ICAM1: variants seen among roughly 807,000 people sequenced by gnomAD.
ICAM1 encodes ICAM-1.
A neutral mutation model predicts 42.3 loss-of-function variants in ICAM1; 28 were observed. That is an observed-to-expected ratio of 0.66 (90% confidence interval 0.49 to 0.91). The LOEUF is 0.91. Among genes scored for constraint, ICAM1 ranks in the 40% least tolerant of loss-of-function variants. The pLI is 0.00. For missense variants in ICAM1, 637 were observed against 688.6 expected, an observed-to-expected ratio of 0.93 and a Z score of 0.84; for synonymous variants, 304 against 305.9, an observed-to-expected ratio of 0.99 and a Z score of 0.07.
At chr19:10,281,937 T>C (rs1451852219) in intron 2 of ICAM1, among the ~76,000 whole-genome samples, 1 of 152,070 alleles carries the variant, frequency 6.6e-6, no homozygotes, top group African/African-American at 2.4e-5. Flanking sequence ...AGACGGGGTT[T>C]CACTATATTG....
chr19:10,274,966 C>G lies in ICAM1; in HGVS notation c.269C>G (p.Pro90Arg), dbSNP rs772134103. The change falls in exon 2 of 7, where the codon CCA (proline) becomes CGA (arginine). Residue 90 changes from proline (P) to arginine (R), a missense_variant. Pro to Arg is a moderately radical substitution (Grantham distance 103). Transcript: ENST00000264832. ...AGCAATGTGCAAGAAGATAGCCAAC[C>G]AATGTGCTATTCAAACTGCCCTGAT... ...ELSNVQEDSQ[P>R]MCYSNCPDGQ... 1 of 1,614,200 alleles carries G rather than the reference C, an allele frequency of 6.2e-7. No individual in the cohort carries two copies. The highest frequency in any genetic ancestry group is 8.5e-7 in the Non-Finnish European group (1 of 1,180,032).
chr19:10,277,364 G>C (rs1167661530), intron 2 of ICAM1, among the ~76,000 whole-genome samples: 3 of 151,982 alleles, frequency 2.0e-5, no homozygotes, highest in Non-Finnish European at 4.4e-5. Flanking sequence ...ATTTTTAGTA[G>C]AGACAGGGTT....
At chr19:10,283,350 A>G (rs545768135) in intron 2 of ICAM1, 131 bp from the exon 3 acceptor site, 3 of 811,688 alleles carry the variant, frequency 3.7e-6, no homozygotes, top group East Asian at 5.1e-5. Flanking sequence ...TGACATTCCT[A>G]TCTGCTTAGG....
chr19:10,272,560 C>A (rs73015200), intron 1 of ICAM1, among the ~76,000 whole-genome samples: 1 of 56,132 alleles, frequency 1.8e-5, no homozygotes, highest in Non-Finnish European at 4.2e-5. Context: ...CTTTTCTTTT[C>A]TTTTTTTTTT....
rs200759542 is a variant in ICAM1 at position 10,284,208 on chromosome 19, G to A, written c.813G>A (p.Ser271=). ...PTVTYGNDSF[S]AKASVSVTAE... is the part of the protein sequence containing the mutation. ...TCACCTATGGCAACGACTCCTTCTC[G>A]GCCAAGGCCTCAGTCAGTGTGACCG... The change falls in exon 4 of 7, where the codon TCG becomes TCA. Residue 271 remains serine (S), a synonymous_variant. Coordinates refer to ENST00000264832, the MANE Select transcript of ICAM1 (RefSeq NM_000201.3). The surrounding 1 kb of genome is among the most constrained non-coding windows in gnomAD (Gnocchi z 5.4). The A allele has an allele frequency of 1.5e-5, 24 of 1,613,862 alleles. No individual in the cohort carries two copies. The highest frequency in any genetic ancestry group is 1.6e-4 in the Middle Eastern group (1 of 6,084).
chr19:10,274,689 C>A (rs2040004334), intron 1 of ICAM1, 76 bp from the exon 2 acceptor site: 4 of 1,519,726 alleles, frequency 2.6e-6, no homozygotes, highest in Non-Finnish European at 3.6e-6. Context: ...CTCCAGCACC[C>A]AGCACAGGCT....
chr19:10,284,508 G>A lies in ICAM1; in HGVS notation c.1031G>A (p.Gly344Glu), dbSNP rs1568295575. 1 of 1,614,106 alleles carries A rather than the reference G, an allele frequency of 6.2e-7. No individual in the cohort carries two copies. Among genetic ancestry groups the A allele is most frequent in the Non-Finnish European group, 8.5e-7 (1 of 1,180,012 alleles). The change falls in exon 5 of 7, where the codon GGG becomes GAG. Residue 344 changes from glycine to glutamate, a missense_variant. Physicochemically the swap from Gly to Glu is moderately conservative, Grantham distance 98. Coordinates refer to ENST00000264832, the MANE Select transcript of ICAM1 (RefSeq NM_000201.3). The surrounding 1 kb of genome is among the most constrained non-coding windows in gnomAD (Gnocchi z 5.4). ...CCTAGAGCCAAGGTGACGCTGAATGGGGTTCCAGCCCAGCCACTGGGCCCG... is the reference window on the plus strand; with the variant it reads ...CCTAGAGCCAAGGTGACGCTGAATGAGGTTCCAGCCCAGCCACTGGGCCCG... ...AHPRAKVTLN[G>E]VPAQPLGPRA...
chr19:10,276,417 C>T (rs1212364133), intron 2 of ICAM1, among the ~76,000 whole-genome samples: 4 of 151,488 alleles, frequency 2.6e-5, no homozygotes, highest in African/African-American at 4.9e-5. Context: ...TGGTGGCAGG[C>T]GCCTGTGGTC....
At chr19:10,283,815 A>C (rs2145499639) in intron 3 of ICAM1, 29 bp downstream of exon 3, 22 of 999,072 alleles carry the variant, frequency 2.2e-5, no homozygotes, top group Non-Finnish European at 3.2e-5. Context: ...AGCAGGGAGA[A>C]GGTGGGGGTG....
chr19:10,283,306 T>A (rs369584309), intron 2 of ICAM1, 175 bp from the exon 3 acceptor site: 1 of 597,142 alleles, frequency 1.7e-6, no homozygotes, highest in Non-Finnish European at 2.9e-6. Flanking sequence ...TCACAAACAC[T>A]CGGGGCCCTC....
intron 2 of ICAM1, among the ~76,000 whole-genome samples, chr19:10,276,608 G>A (rs1461300868): frequency 2.0e-5 from 3 of 151,170 alleles, no homozygotes; most frequent in Non-Finnish European, 4.4e-5. Context: ...GAACGTAGGA[G>A]GTCCTAGGAC....
In ICAM1 at chr19:10,284,004, G is replaced by A. The variant is rs1285990337; in HGVS notation, c.638-29G>A. On this transcript the variant is annotated intron_variant, in intron 3 of 6. Transcript: ENST00000264832. This position sits in a 1 kb window ranked among gnomAD's most constrained non-coding sequence, Gnocchi z 5.4. ...GAAGGGCTTCGGGACGTCCATCCCT[G>A]TCTGCTCACACCTTTCTTCTCTCCC... 3.7e-6 allele frequency: 6 copies of A among 1,600,016 alleles called. No individual in the cohort carries two copies. The South Asian group carries it at 4.4e-5, about 12-fold the overall frequency.
At chr19:10,271,555 T>C (rs990426129) in intron 1 of ICAM1, among the ~76,000 whole-genome samples, 2 of 151,882 alleles carry the variant, frequency 1.3e-5, no homozygotes, top group Non-Finnish European at 1.5e-5. Flanking sequence ...GGATGAGAGG[T>C]GTGAACCACC....
intron 2 of ICAM1, among the ~76,000 whole-genome samples, chr19:10,280,032 A>G (rs1022352759): frequency 1.3e-5 from 2 of 152,204 alleles, no homozygotes; most frequent in African/African-American, 2.4e-5. Flanking sequence ...CTGGAAGCCA[A>G]TGAGCAGTTG....
chr19:10,283,269 C>T, intron 2 of ICAM1: 1 of 500,956 alleles, frequency 2.0e-6, no homozygotes, highest in East Asian at 3.1e-5. Context: ...ATGCTGCTGT[C>T]ATGAATAAGG....
intron 2 of ICAM1, among the ~76,000 whole-genome samples, chr19:10,276,316 CG>C: frequency 6.8e-6 from 1 of 146,452 alleles, no homozygotes; most frequent in Middle Eastern, 3.9e-3. Flanking sequence ...GAGGCCGAGG[CG>C]GGCGGATCAC....
In ICAM1 at chr19:10,283,811, G is replaced by C; in HGVS notation, c.637+25G>C. The C allele has an allele frequency of 3.2e-6, 5 of 1,569,356 alleles. No individual in the cohort carries two copies. In the South Asian group the frequency reaches 5.7e-5, roughly 18 times the overall value. On this transcript the variant is annotated intron_variant, in intron 3 of 6. Coordinates refer to ENST00000264832, the MANE Select transcript of ICAM1 (RefSeq NM_000201.3). The stretch of plus-strand genomic sequence containing the variant: ...GGTGAGGATTGAAGAAGCCAGCAGG[G>C]AGAAGGTGGGGGTGGGGTATCCTGC...
chr19:10,283,912 A>C (rs2040081822), intron 3 of ICAM1, 121 bp from the exon 4 acceptor site: 3 of 1,439,466 alleles, frequency 2.1e-6, no homozygotes, highest in Non-Finnish European at 2.8e-6. Context: ...TTCTAGGCGT[A>C]TGTGACCTAG....
chr19:10,278,771 A>G (rs1599267150), intron 2 of ICAM1, among the ~76,000 whole-genome samples: 1 of 150,698 alleles, frequency 6.6e-6, no homozygotes, highest in Non-Finnish European at 1.5e-5. Flanking sequence ...CGAACTCTAG[A>G]CCTCTGGTGA....
Sources: gnomAD v4.1 joint callset for allele counts (sites outside exome capture counted in the v4.1 genomes callset) on GRCh38, gnomAD v4.1.1 for gene constraint, Gnocchi (gnomAD v3.1) non-coding constraint, MANE v1.5 for transcripts, NCBI Gene and HGNC (gene_info 2026-07-23, HGNC 2026-07-21) for gene names.